Variants in RBFOX1 observed in about 807,000 individuals in gnomAD.
The protein encoded by RBFOX1 is RNA binding fox-1 homolog 1.
A neutral mutation model predicts 57.7 loss-of-function variants in RBFOX1; 8 were observed. The ratio of observed to expected loss-of-function variants is 0.14; its 90% confidence interval spans 0.08 to 0.25. The LOEUF is 0.25. RBFOX1 is among the 10% of genes least tolerant of loss of function. The pLI is 1.00. For missense variants in RBFOX1, 611 were observed against 548.5 expected (o/e 1.11, Z -1.14); for synonymous variants, 326 against 222.4 (o/e 1.47, Z -4.15).
intron 4 of RBFOX1, among the ~76,000 whole-genome samples, chr16:7,370,028 G>A (rs138009571): frequency 1.3e-5 from 2 of 152,300 alleles, no homozygotes; most frequent in East Asian, 3.9e-4. Flanking sequence ...CTCTAAGTCA[G>A]CTTCTGAACC....
At chr16:6,431,612 G>T (rs1415063084) in intron 2 of RBFOX1, among the ~76,000 whole-genome samples, 1 of 152,106 alleles carries the variant, frequency 6.6e-6, no homozygotes, top group Admixed American at 6.5e-5. Flanking sequence ...GATGCTGGGG[G>T]TAAGTGTGAG....
intron 1 of RBFOX1, among the ~76,000 whole-genome samples, chr16:6,272,638 G>A (rs1478147373): frequency 6.6e-6 from 1 of 152,152 alleles, no homozygotes; most frequent in Non-Finnish European, 1.5e-5. Context: ...TAACAATTTT[G>A]TAAATGAAGT....
At chr16:7,530,325 A>G (rs966914796) in intron 5 of RBFOX1, among the ~76,000 whole-genome samples, 4 of 152,078 alleles carry the variant, frequency 2.6e-5, no homozygotes, top group African/African-American at 9.7e-5. Context: ...TTTTTAAAAT[A>G]CACATACCCG....
chr16:5,435,270 C>G (rs2067881305), intron 1 of RBFOX1, among the ~76,000 whole-genome samples: 1 of 152,156 alleles, frequency 6.6e-6, no homozygotes, highest in Non-Finnish European at 1.5e-5. Context: ...GTGCAAACAG[C>G]TGGTGTGGGT....
At chr16:7,463,061 T>C (rs532910364) in intron 4 of RBFOX1, among the ~76,000 whole-genome samples, 1 of 152,280 alleles carries the variant, frequency 6.6e-6, no homozygotes, top group South Asian at 2.1e-4. Flanking sequence ...AGAAATTCAT[T>C]GCTCACAGTT....
intron 3 of RBFOX1, among the ~76,000 whole-genome samples, chr16:6,755,269 A>T (rs1051028941): frequency 2.0e-5 from 3 of 152,150 alleles, no homozygotes; most frequent in Non-Finnish European, 2.9e-5. Context: ...ATCCCTGAGT[A>T]ATCGCCACAC....
At chr16:5,256,029 T>C (rs1368575001) in intron 1 of RBFOX1, among the ~76,000 whole-genome samples, 1 of 152,088 alleles carries the variant, frequency 6.6e-6, no homozygotes, top group Non-Finnish European at 1.5e-5. Context: ...TACTATTCAT[T>C]ATTATTCTTG....
chr16:5,988,516 G>A (rs1186252881), intron 4 of RBFOX1, among the ~76,000 whole-genome samples: 1 of 152,182 alleles, frequency 6.6e-6, no homozygotes, highest in African/African-American at 2.4e-5. Context: ...CCCAGAGGAA[G>A]GAGGGTGAGA....
At chr16:7,597,343 T>G in intron 8 of RBFOX1, 28 bp from the exon 9 acceptor site, 1 of 1,561,654 alleles carries the variant, frequency 6.4e-7, no homozygotes. Flanking sequence ...CTAGAATATG[T>G]GCTTACTTGA....
chr16:5,847,352 C>G (rs896868509), intron 3 of RBFOX1, among the ~76,000 whole-genome samples: 1 of 135,586 alleles, frequency 7.4e-6, no homozygotes, highest in African/African-American at 2.8e-5. Context: ...GTTTCCTTAT[C>G]TGAAAAAAAA....
chr16:6,222,616 C>T (rs544879483), intron 1 of RBFOX1, among the ~76,000 whole-genome samples: 3 of 47,080 alleles, frequency 6.4e-5, no homozygotes, highest in Admixed American at 3.2e-4. Context: ...ATTGCTGGGC[C>T]CCTGTTCCAG....
At position 6,671,993 on chromosome 16, in the gene RBFOX1, C is replaced by G. The variant is rs537800414; in HGVS notation, c.-16+17343C>G. 2.6e-5 allele frequency among the ~76,000 whole-genome samples: 4 copies of G among 152,278 alleles called. No individual in the cohort carries two copies. The East Asian group carries it at 7.7e-4, about 29-fold the overall frequency. On this transcript the variant is annotated intron_variant, in intron 3 of 15. Transcript: ENST00000550418. ...ATATCGAACAGCTGATTTTAAATGG[C>G]TTGGTCATATGTTAACTTATGCACT...
intron 4 of RBFOX1, among the ~76,000 whole-genome samples, chr16:7,482,815 C>A (rs566214368): frequency 3.9e-5 from 6 of 152,048 alleles, no homozygotes; most frequent in African/African-American, 7.2e-5. Flanking sequence ...CCCACAAGCT[C>A]GGGATGTTCT....
intron 3 of RBFOX1, among the ~76,000 whole-genome samples, chr16:5,644,049 C>G (rs2048968698): frequency 6.6e-6 from 1 of 152,176 alleles, no homozygotes; most frequent in Non-Finnish European, 1.5e-5. Flanking sequence ...ACAGAGGACT[C>G]TTCGAAGCTA....
rs183000398 is a variant in RBFOX1 at position 7,692,878 on chromosome 16, C to T, written c.995+16040C>T. 1.5e-4 allele frequency among the ~76,000 whole-genome samples: 17 copies of T among 116,104 alleles called. No homozygotes were observed. The South Asian group carries it at 2.0e-3, about 14-fold the overall frequency. 76.2% of individuals were successfully genotyped at this position (116,104 alleles called of 152,430 possible). ...ATAAAATTGTCTTCTGAAATGACAG[C>T]ACTTTTTCTTATTTTTTTTTGATAT... On this transcript the variant is annotated intron_variant, in intron 14 of 15. Coordinates refer to ENST00000550418, the MANE Select transcript of RBFOX1 (RefSeq NM_018723.4).
intron 4 of RBFOX1, among the ~76,000 whole-genome samples, chr16:7,482,248 C>G (rs913954047): frequency 2.0e-5 from 3 of 152,202 alleles, no homozygotes; most frequent in African/African-American, 7.2e-5. Context: ...AGAGCTCAAA[C>G]AGTGTCAGCT....
chr16:7,102,910 T>C (rs58038592), intron 4 of RBFOX1, among the ~76,000 whole-genome samples: 2,554 of 152,142 alleles, frequency 0.017, 74 homozygotes, highest in African/African-American at 0.059. Context: ...ATATTGTGAG[T>C]ATTGGAGTTT....
chr16:6,396,132 G>A (rs2092824095), intron 2 of RBFOX1, among the ~76,000 whole-genome samples: 1 of 149,212 alleles, frequency 6.7e-6, no homozygotes, highest in South Asian at 2.1e-4. Flanking sequence ...AGAGTAGCTT[G>A]TTTTGGAGTA....
At chr16:5,922,514 G>A (rs1013617016) in intron 4 of RBFOX1, among the ~76,000 whole-genome samples, 11 of 152,088 alleles carry the variant, frequency 7.2e-5, no homozygotes, top group African/African-American at 2.7e-4. Flanking sequence ...GGAGAGCCCA[G>A]GCACAGCATG....
Sources: allele counts gnomAD v4.1 joint callset (sites outside exome capture counted in the v4.1 genomes callset), GRCh38; gene constraint gnomAD v4.1.1; transcripts MANE v1.5; gene names NCBI Gene and HGNC (gene_info 2026-07-23, HGNC 2026-07-21).